Variants in HMMR observed in about 807,000 individuals in gnomAD.
HMMR encodes intracellular hyaluronic acid-binding protein.
In HMMR, 108 loss-of-function variants were observed where a neutral mutation model predicts 101.0. That is an observed-to-expected ratio of 1.07 (90% confidence interval 0.92 to 1.25). The LOEUF is 1.25. Among genes scored for constraint, HMMR ranks in the 50% most tolerant of loss-of-function variants. The probability of loss-of-function intolerance (pLI) is 0.00; values close to 1 mark genes in which losing one functional copy is unlikely to be tolerated. For synonymous variants in HMMR, 296 were observed against 276.4 expected, an observed-to-expected ratio of 1.07 and a Z score of -0.70; for missense variants, 813 against 788.7, an observed-to-expected ratio of 1.03 and a Z score of -0.37.
chr5:163,490,704 T>C (rs1759664483), intron 17 of HMMR, 152 bp downstream of exon 17: 16 of 638,304 alleles, frequency 2.5e-5, no homozygotes, highest in South Asian at 2.3e-4. Context: ...CAATGACTGT[T>C]TTCTTCCTCC....
chr5:163,469,160 C>T (rs1006803418), intron 4 of HMMR, among the ~76,000 whole-genome samples: 10 of 151,022 alleles, frequency 6.6e-5, no homozygotes, highest in East Asian at 3.9e-4. Flanking sequence ...GTCAGGAGAT[C>T]GAGACCATCC....
chr5:163,471,280 T>A lies in HMMR; in HGVS notation c.549+9T>A. The stretch of plus-strand genomic sequence containing the variant: ...GAGAAACAAAGATGAGGGTGAGTGC[T>A]GCCCTTGGCAGGTTTGCTGTGTCTG... On this transcript the variant is annotated intron_variant, in intron 6 of 17. Transcript: ENST00000393915. The A allele has an allele frequency of 6.2e-7, 1 of 1,609,148 alleles. No individual in the cohort carries two copies. Among genetic ancestry groups the A allele is most frequent in the Non-Finnish European group, 8.5e-7 (1 of 1,175,550 alleles).
In HMMR at chr5:163,484,162, G is replaced by C. The variant is rs1759382395; in HGVS notation, c.1879G>C (p.Ala627Pro). 6.2e-7 allele frequency: 1 copy of C among 1,605,134 alleles called. No homozygotes were observed. Among genetic ancestry groups the C allele is most frequent in the African/African-American group, 1.3e-5 (1 of 74,606 alleles). Residue 627 changes from alanine to proline, a missense_variant, in exon 16 of 18, where the codon GCT becomes CCT. Ala to Pro is a conservative substitution (Grantham distance 27, BLOSUM62 -1). Coordinates refer to ENST00000393915, the MANE Select transcript of HMMR (RefSeq NM_001142556.2). The part of the protein sequence containing the change: ...EQLNKIRDSY[A>P]KLLGHQNLKQ... Reference sequence around the variant, plus strand: ...GCTAAATAAAATAAGAGATTCATATGCTAAATTATTGGGTCATCAGAATTT... The same window carrying C: ...GCTAAATAAAATAAGAGATTCATATCCTAAATTATTGGGTCATCAGAATTT...
At chr5:163,467,642 TTGGC>T (rs1758743703) in intron 3 of HMMR, 55 bp from the exon 4 acceptor site, 2 of 916,502 alleles carry the variant, frequency 2.2e-6, no homozygotes, top group Non-Finnish European at 3.5e-6. Context: ...AAAAACAAAT[TTGGC>T]TGTCATATCT....
At chr5:163,465,459 C>A (rs1230124561) in intron 3 of HMMR, among the ~76,000 whole-genome samples, 1 of 152,260 alleles carries the variant, frequency 6.6e-6, no homozygotes, top group African/African-American at 2.4e-5. Flanking sequence ...CTCAGCCTCC[C>A]CAGTAGCTGG....
chr5:163,488,772 T>C (rs1759572839), intron 16 of HMMR, among the ~76,000 whole-genome samples: 1 of 152,232 alleles, frequency 6.6e-6, no homozygotes, highest in Non-Finnish European at 1.5e-5. Flanking sequence ...TATAAACTAA[T>C]CCAATCAAAT....
intron 4 of HMMR, among the ~76,000 whole-genome samples, chr5:163,468,055 G>C (rs1450322541): frequency 6.6e-6 from 1 of 152,140 alleles, no homozygotes. Context: ...TCTATCCATC[G>C]TTCACAGTCT....
At chr5:163,486,574 G>A (rs1759482953) in intron 16 of HMMR, among the ~76,000 whole-genome samples, 2 of 152,072 alleles carry the variant, frequency 1.3e-5, no homozygotes, top group Non-Finnish European at 1.5e-5. Flanking sequence ...TAGAGATAGT[G>A]TTACTTATTT....
chr5:163,469,680 C>T lies in HMMR; in HGVS notation c.313C>T (p.Arg105Trp), dbSNP rs78114513. ...ACAGGAACGTGGTGCCCAGGACAGG[C>T]GGATCCAGGATCTGGAAACTGAGTT... ...LLQERGAQDRRIQDLETELEK... is the reference protein window; with the variant it reads ...LLQERGAQDRWIQDLETELEK... The change falls in exon 5 of 18, where the codon CGG (arginine) becomes TGG (tryptophan). Residue 105 changes from arginine (R) to tryptophan (W), a missense_variant. By Grantham distance (101) the Arg-to-Trp change is moderately radical (BLOSUM62 -3). Coordinates refer to ENST00000393915, the MANE Select transcript of HMMR (RefSeq NM_001142556.2). The T allele has an allele frequency of 4.9e-4, 792 of 1,613,794 alleles. 8 individuals carry two copies. In the African/African-American group the frequency reaches 9.8e-3, roughly 20 times the overall value.
Position 163,471,226 on chromosome 5 carries a change from C to A in HMMR, c.504C>A (p.Ser168Arg). ...ACCAGAAGAATTTGAGAATTCTAAG[C>A]TTGGAGTTGATGAAACTTAGAAACA... ...NGNQKNLRIL[S>R]LELMKLRNKR... Residue 168 changes from serine (S) to arginine (R), a missense_variant, in exon 6 of 18, where the codon AGC becomes AGA. Transcript: ENST00000393915. 3.1e-6 allele frequency: 5 copies of A among 1,612,628 alleles called. No homozygotes were observed. Among genetic ancestry groups the A allele is most frequent in the Non-Finnish European group, 4.2e-6 (5 of 1,178,696 alleles).
chr5:163,470,179 C>G (rs543323719), intron 5 of HMMR, among the ~76,000 whole-genome samples: 1 of 152,016 alleles, frequency 6.6e-6, no homozygotes, highest in East Asian at 1.9e-4. Context: ...AAAAACAAAA[C>G]AAAACAAAAC....
intron 11 of HMMR, among the ~76,000 whole-genome samples, chr5:163,476,861 C>T (rs1256266993): frequency 6.6e-6 from 1 of 152,084 alleles, no homozygotes; most frequent in Non-Finnish European, 1.5e-5. Context: ...AACCCCATCT[C>T]TACTAAAAAT....
chr5:163,478,640 A>G (rs1452835999), intron 11 of HMMR, 44 bp from the exon 12 acceptor site: 3 of 1,092,724 alleles, frequency 2.7e-6, no homozygotes, highest in Non-Finnish European at 4.3e-6. Context: ...TTAGGGTAGT[A>G]ATTGTAGGTG....
At chr5:163,466,919 A>G (rs1189927848) in intron 3 of HMMR, among the ~76,000 whole-genome samples, 1 of 152,190 alleles carries the variant, frequency 6.6e-6, no homozygotes, top group Non-Finnish European at 1.5e-5. Flanking sequence ...TTTGACTTAA[A>G]TTTCTTGAAG....
intron 16 of HMMR, among the ~76,000 whole-genome samples, chr5:163,489,657 C>T (rs1242641540): frequency 6.6e-6 from 1 of 152,170 alleles, no homozygotes; most frequent in Non-Finnish European, 1.5e-5. Flanking sequence ...CGGGGCCCAG[C>T]ATTTTCAACA....
chr5:163,465,170 A>G (rs542141699), intron 3 of HMMR: 192 of 200,314 alleles, frequency 9.6e-4, no homozygotes, highest in African/African-American at 4.3e-3. Context: ...TTTGAAGAAA[A>G]GTGGGAAAAA....
At chr5:163,471,775 T>G (rs951695733) in intron 7 of HMMR, among the ~76,000 whole-genome samples, 3 of 152,166 alleles carry the variant, frequency 2.0e-5, no homozygotes, top group African/African-American at 7.2e-5. Context: ...GAAATTGTGA[T>G]TTATGCACAA....
Position 163,473,502 on chromosome 5 carries a change from A to T in HMMR, c.849A>T (p.Leu283Phe), listed in dbSNP as rs760841599. The T allele has an allele frequency of 1.9e-6, 3 of 1,594,976 alleles. No homozygotes were observed. Among genetic ancestry groups the T allele is most frequent in the South Asian group, 1.1e-5 (1 of 88,948 alleles). Residue 283 changes from leucine to phenylalanine, a missense_variant, in exon 9 of 18, where the codon TTA becomes TTT. Physicochemically the swap from Leu to Phe is conservative, Grantham distance 22. Coordinates refer to ENST00000393915, the MANE Select transcript of HMMR (RefSeq NM_001142556.2). ...KQSLEENIVI[L>F]SKQVEDLNVK... ...CTCTTGAGGAGAATATTGTTATATT[A>T]TCTAAACAAGTAGAAGATCTAAATG...
Position 163,483,343 on chromosome 5 carries a change from A to G in HMMR, c.1761A>G (p.Leu587=). ...AGTGGCGTCTCCTCTATGAAGAACT[A>G]TATAATAAAACAAAACCTTTTCAGG... ...INKWRLLYEE[L]YNKTKPFQLQ... Residue 587 remains leucine, a synonymous_variant, in exon 15 of 18, where the codon CTA becomes CTG. Coordinates refer to ENST00000393915, the MANE Select transcript of HMMR (RefSeq NM_001142556.2). The G allele has an allele frequency of 1.9e-6, 3 of 1,592,752 alleles. No homozygotes were observed. The highest frequency in any genetic ancestry group is 2.6e-6 in the Non-Finnish European group (3 of 1,162,936).
Sources: allele counts gnomAD v4.1 joint callset (sites outside exome capture counted in the v4.1 genomes callset), GRCh38; gene constraint gnomAD v4.1.1; transcripts MANE v1.5; gene names NCBI Gene and HGNC (gene_info 2026-07-23, HGNC 2026-07-21).